The following MTUS2 variants were observed in gnomAD, a reference collection of about 807,000 sequenced individuals.
The protein encoded by MTUS2 is microtubule associated scaffold protein 2, also known as microtubule-associated tumor suppressor candidate 2.
In MTUS2, 40 loss-of-function variants were observed where a neutral mutation model predicts 114.1. That is an observed-to-expected ratio of 0.35 (90% confidence interval 0.27 to 0.46). The LOEUF is 0.46. Ranked by LOEUF, MTUS2 falls within the 20% of genes least tolerant of loss-of-function variation. The pLI is 1.00. For synonymous variants in MTUS2, 688 were observed against 672.0 expected (o/e 1.02, Z -0.37); for missense variants, 1,679 against 1,705.4 (o/e 0.98, Z 0.27).
intron 8 of MTUS2, among the ~76,000 whole-genome samples, chr13:29,367,956 T>G (rs1370258496): frequency 1.3e-5 from 2 of 150,882 alleles, no homozygotes; most frequent in Non-Finnish European, 3.0e-5. Context: ...TTTTTTTTTT[T>G]GAGATGGAGT....
intron 2 of MTUS2, among the ~76,000 whole-genome samples, chr13:28,919,452 G>T (rs1316714744): frequency 6.6e-6 from 1 of 151,832 alleles, no homozygotes; most frequent in African/African-American, 2.4e-5. Context: ...ACATATTGGA[G>T]CTCCATTTTA....
At chr13:29,330,246 A>C (rs920375708) in intron 7 of MTUS2, among the ~76,000 whole-genome samples, 6 of 152,176 alleles carry the variant, frequency 3.9e-5, no homozygotes, top group Non-Finnish European at 8.8e-5. Flanking sequence ...TCTTTTGAGA[A>C]GTGTCTGTTG....
At chr13:29,376,515 G>C (rs983705267) in intron 8 of MTUS2, among the ~76,000 whole-genome samples, 12 of 152,108 alleles carry the variant, frequency 7.9e-5, no homozygotes, top group African/African-American at 2.7e-4. Context: ...CATAAACACA[G>C]AGAATAGAAA....
At position 29,500,792 on chromosome 13, in the gene MTUS2, AACACACACACAC is replaced by A. The variant is rs3066073; in HGVS notation, c.3799-273_3799-262del. On this transcript the variant is annotated intron_variant, in intron 14 of 15. Transcript: ENST00000612955. ...TATAAGAAATACATTTTACATCAGAAACACACACACACACACACACACACACACACACACACA... is the reference window on the plus strand; with the variant it reads ...TATAAGAAATACATTTTACATCAGAAACACACACACACACACACACACACA... Among the ~76,000 whole-genome samples, 92 of 144,380 alleles carry A rather than the reference AACACACACACAC, an allele frequency of 6.4e-4. No homozygotes were observed. The Middle Eastern group carries it at 0.017, about 27-fold the overall frequency. The allele number at this position is 144,380 out of a possible 152,430, so 94.7% of individuals were successfully genotyped here. A position where few individuals can be genotyped will look rare whatever the true frequency, so the allele number is the denominator to read the frequency against.
intron 8 of MTUS2, among the ~76,000 whole-genome samples, chr13:29,412,704 A>G (rs1449607642): frequency 6.6e-6 from 1 of 152,162 alleles, no homozygotes; most frequent in Non-Finnish European, 1.5e-5. Flanking sequence ...AGCCTGGGCA[A>G]CACAGCAAGA....
At chr13:29,121,369 T>C (rs1049212627) in intron 5 of MTUS2, among the ~76,000 whole-genome samples, 20 of 152,126 alleles carry the variant, frequency 1.3e-4, no homozygotes, top group Non-Finnish European at 5.9e-5. Context: ...TTAAAGAGCT[T>C]ACTTTATATT....
At chr13:28,838,710 G>A (rs1392150468) in intron 1 of MTUS2, among the ~76,000 whole-genome samples, 5 of 152,056 alleles carry the variant, frequency 3.3e-5, no homozygotes, top group Non-Finnish European at 7.4e-5. Flanking sequence ...TTTTCTTTCT[G>A]TCATATCTAT....
At chr13:29,296,052 A>G (rs1025667731) in intron 6 of MTUS2, among the ~76,000 whole-genome samples, 2 of 152,206 alleles carry the variant, frequency 1.3e-5, no homozygotes, top group Non-Finnish European at 2.9e-5. Context: ...ACACTTAGGC[A>G]GATTTTATAC....
At chr13:29,419,412 G>A (rs953409135) in intron 8 of MTUS2, among the ~76,000 whole-genome samples, 1 of 152,154 alleles carries the variant, frequency 6.6e-6, no homozygotes, top group African/African-American at 2.4e-5. Context: ...TGATACCACT[G>A]AAGGTGGGAA....
intron 2 of MTUS2, among the ~76,000 whole-genome samples, chr13:28,935,752 C>T (rs1479138617): frequency 1.3e-5 from 2 of 151,802 alleles, no homozygotes; most frequent in Non-Finnish European, 2.9e-5. Flanking sequence ...TTCCAAAGAC[C>T]AGGCTCATTT....
At position 29,324,683 on chromosome 13, in the gene MTUS2, A is replaced by G. The variant is rs1445107299; in HGVS notation, c.2877A>G (p.Ala959=). The part of the protein sequence containing the change: ...KPAVSSPKRV[A]ASTTKLHSPG... ...CTGTTTCATCTCCTAAGAGAGTAGC[A>G]GCTTCAACCACCAAGCTTCATTCAC... The change falls in exon 7 of 16, where the codon GCA becomes GCG. Residue 959 remains alanine (A), a synonymous_variant. Coordinates refer to ENST00000612955, the MANE Select transcript of MTUS2 (RefSeq NM_001033602.4). The G allele has an allele frequency of 1.3e-6, 2 of 1,599,510 alleles. No homozygotes were observed. The highest frequency in any genetic ancestry group is 1.7e-6 in the Non-Finnish European group (2 of 1,172,650).
intron 4 of MTUS2, among the ~76,000 whole-genome samples, chr13:29,046,280 T>C (rs1887614191): frequency 8.0e-5 from 1 of 12,482 alleles, no homozygotes; most frequent in Non-Finnish European, 3.7e-4. Context: ...ACCTGGCTAA[T>C]TTTGTTTATT....
chr13:29,428,772 GTACCTCGGCTTAGGAGT>G, intron 8 of MTUS2: 1 of 1,608,816 alleles, frequency 6.2e-7, no homozygotes, highest in Non-Finnish European at 8.5e-7. Context: ...GTGTGTGCCG[GTACCTCGGCTTAGGAGT>G]TGCCCGCTGA....
chr13:28,858,161 ATCTTCCCT>A (rs1158420907), intron 2 of MTUS2, among the ~76,000 whole-genome samples: 2 of 152,128 alleles, frequency 1.3e-5, no homozygotes, highest in African/African-American at 2.4e-5. Flanking sequence ...GGATGTGTAG[ATCTTCCCT>A]TAAGTTGAAA....
intron 5 of MTUS2, among the ~76,000 whole-genome samples, chr13:29,114,788 G>T (rs1056776283): frequency 6.6e-6 from 1 of 152,202 alleles, no homozygotes; most frequent in African/African-American, 2.4e-5. Flanking sequence ...CAGAGCTAAC[G>T]CCTCAGCTTG....
intron 5 of MTUS2, among the ~76,000 whole-genome samples, chr13:29,155,966 C>T (rs1892842358): frequency 6.6e-6 from 1 of 152,058 alleles, no homozygotes; most frequent in African/African-American, 2.4e-5. Context: ...AATAGTTGGT[C>T]TGAATGGACA....
At position 29,480,305 on chromosome 13, in the gene MTUS2, C is replaced by G. The variant is rs561043824; in HGVS notation, c.3340C>G (p.Arg1114Gly). 160 of 1,556,250 alleles carry G rather than the reference C, an allele frequency of 1.0e-4. 2 individuals carry two copies. The South Asian group carries it at 1.6e-3, about 15-fold the overall frequency. The change falls in exon 10 of 16, where the codon CGC (arginine) becomes GGC (glycine). Residue 1114 changes from arginine to glycine, a missense_variant. Physicochemically the swap from Arg to Gly is moderately radical, Grantham distance 125 (BLOSUM62 -2). Transcript: ENST00000612955. This position sits in a 1 kb window ranked among gnomAD's most constrained non-coding sequence, Gnocchi z 4.4. ...GCTGCAATTCGAGGCGGAAATGGCGCGCCTGCAGGAGGAGCACGGTGACCA... is the reference window on the plus strand; with the variant it reads ...GCTGCAATTCGAGGCGGAAATGGCGGGCCTGCAGGAGGAGCACGGTGACCA... Reference protein sequence around the residue: ...LQLQFEAEMARLQEEHGDQLL... With the variant: ...LQLQFEAEMAGLQEEHGDQLL...
At chr13:28,985,202 G>A (rs970791733) in intron 2 of MTUS2, among the ~76,000 whole-genome samples, 4 of 152,132 alleles carry the variant, frequency 2.6e-5, no homozygotes, top group Non-Finnish European at 4.4e-5. Flanking sequence ...GGAGCTTAAT[G>A]TTAAGATTTT....
At chr13:29,441,364 A>G (rs1031471334) in intron 9 of MTUS2, among the ~76,000 whole-genome samples, 1 of 152,180 alleles carries the variant, frequency 6.6e-6, no homozygotes, top group African/African-American at 2.4e-5. Context: ...CACTCCCCGC[A>G]GACGCTTGCT....
Sources: gnomAD v4.1 joint callset for allele counts (sites outside exome capture counted in the v4.1 genomes callset) on GRCh38, gnomAD v4.1.1 for gene constraint, Gnocchi (gnomAD v3.1) non-coding constraint, MANE v1.5 for transcripts, NCBI Gene and HGNC (gene_info 2026-07-23, HGNC 2026-07-21) for gene names.